UBE2D1: variants seen among roughly 807,000 people sequenced by gnomAD.
UBE2D1 encodes the protein ubiquitin conjugating enzyme E2 D1, also known as ubiquitin-conjugating enzyme E2 D1.
UBE2D1 carries 9 observed loss-of-function variants against 24.6 expected under a neutral mutation model. That is an observed-to-expected ratio of 0.37 (90% CI 0.22 to 0.64). UBE2D1 has a LOEUF of 0.64. UBE2D1 is among the 30% of genes least tolerant of loss of function. The pLI is 0.64. For synonymous variants in UBE2D1, 57 were observed against 57.6 expected (o/e 0.99, Z 0.04); for missense variants, 87 against 177.1 (o/e 0.49, Z 2.89).
intron 1 of UBE2D1, among the ~76,000 whole-genome samples, chr10:58,359,001 G>A (rs1377519483): frequency 1.4e-4 from 17 of 122,700 alleles, no homozygotes; most frequent in African/African-American, 2.8e-4. Context: ...AAGAGAAACC[G>A]CACCAGCTAT....
At chr10:58,335,349 A>G in intron 1 of UBE2D1, 124 bp downstream of exon 1, 1 of 1,156,736 alleles carries the variant, frequency 8.6e-7, no homozygotes, top group Non-Finnish European at 1.2e-6. Context: ...GGGTGCGGGC[A>G]GGGAGCTGAA....
At chr10:58,336,033 A>G (rs1469000923) in intron 1 of UBE2D1, among the ~76,000 whole-genome samples, 1 of 152,216 alleles carries the variant, frequency 6.6e-6, no homozygotes, top group Non-Finnish European at 1.5e-5. Context: ...AGAATGAGGA[A>G]GAAATATATA....
intron 1 of UBE2D1, among the ~76,000 whole-genome samples, chr10:58,357,867 A>G (rs918866079): frequency 6.6e-6 from 1 of 152,154 alleles, no homozygotes; most frequent in Non-Finnish European, 1.5e-5. Flanking sequence ...TTGATATACT[A>G]TCAGCTGCCT....
At chr10:58,348,698 AT>A (rs553024603) in intron 1 of UBE2D1, among the ~76,000 whole-genome samples, 4 of 152,104 alleles carry the variant, frequency 2.6e-5, no homozygotes, top group Admixed American at 2.6e-4. Flanking sequence ...GGTCAGCGTA[AT>A]TTTTTAGGGA....
At position 58,356,551 on chromosome 10, in the gene UBE2D1, A is replaced by G. The variant is rs540355663; in HGVS notation, c.25-4787A>G. On this transcript the variant is annotated intron_variant, in intron 1 of 6. Transcript: ENST00000373910. The stretch of plus-strand genomic sequence containing the variant: ...ACAAGATGCTGCAGTAAATATCCTT[A>G]TATATGTATCTTTAGCTACCAGGGC... 2.0e-5 allele frequency among the ~76,000 whole-genome samples: 3 copies of G among 152,242 alleles called. No individual in the cohort carries two copies. In the South Asian group the frequency reaches 6.2e-4, roughly 32 times the overall value.
At chr10:58,347,550 A>G (rs1840029551) in intron 1 of UBE2D1, among the ~76,000 whole-genome samples, 1 of 152,104 alleles carries the variant, frequency 6.6e-6, no homozygotes, top group African/African-American at 2.4e-5. Flanking sequence ...CCTGGTGCAG[A>G]GAAAACTGGG....
At chr10:58,345,054 A>G (rs140813029) in intron 1 of UBE2D1, among the ~76,000 whole-genome samples, 6,348 of 152,034 alleles carry the variant, frequency 0.042, 172 homozygotes, top group Non-Finnish European at 0.06. Context: ...TAATAGAGAC[A>G]GGGTTTTGCC....
At chr10:58,353,532 G>GA (rs1840099703) in intron 1 of UBE2D1, among the ~76,000 whole-genome samples, 1 of 152,134 alleles carries the variant, frequency 6.6e-6, no homozygotes, top group Non-Finnish European at 1.5e-5. Context: ...AAACAATAAG[G>GA]AATGTTTAGA....
intron 1 of UBE2D1, among the ~76,000 whole-genome samples, chr10:58,335,508 C>A (rs1304639963): frequency 6.6e-6 from 1 of 152,276 alleles, no homozygotes; most frequent in Non-Finnish European, 1.5e-5. Flanking sequence ...TCTTGCGCGT[C>A]CAGACCGTCC....
At chr10:58,354,896 A>G (rs1163655618) in intron 1 of UBE2D1, among the ~76,000 whole-genome samples, 3 of 152,234 alleles carry the variant, frequency 2.0e-5, no homozygotes, top group Non-Finnish European at 4.4e-5. Context: ...ATAATTTAAG[A>G]ATAACAAATC....
intron 1 of UBE2D1, among the ~76,000 whole-genome samples, chr10:58,342,813 GTTTTTTTTGGTT>G (rs945337942): frequency 2.9e-5 from 4 of 140,122 alleles, no homozygotes; most frequent in South Asian, 2.3e-4. Context: ...GTGGGTACTT[GTTTTTTTTGGTT>G]TTTTTTTTGT....
intron 1 of UBE2D1, 142 bp downstream of exon 1, chr10:58,335,367 G>A: frequency 9.4e-7 from 1 of 1,069,282 alleles, no homozygotes; most frequent in South Asian, 1.7e-5. Context: ...GAAGGCTCGG[G>A]CCGGGCCAGC....
At chr10:58,349,820 C>T (rs1211078394) in intron 1 of UBE2D1, among the ~76,000 whole-genome samples, 1 of 152,122 alleles carries the variant, frequency 6.6e-6, no homozygotes, top group Non-Finnish European at 1.5e-5. Context: ...TTACCTCTGT[C>T]GTCAAGGTAA....
intron 1 of UBE2D1, chr10:58,361,068 C>G (rs1840191820): frequency 1.9e-6 from 1 of 532,700 alleles, no homozygotes; most frequent in Non-Finnish European, 3.4e-6. Flanking sequence ...ACAGTAGGTA[C>G]TCATTAAATA....
intron 1 of UBE2D1, among the ~76,000 whole-genome samples, chr10:58,335,909 G>A (rs533225769): frequency 6.6e-6 from 1 of 152,348 alleles, no homozygotes; most frequent in East Asian, 1.9e-4. Flanking sequence ...GTGATTCACG[G>A]TGAGTCAAGC....
chr10:58,339,293 A>T (rs1839936704), intron 1 of UBE2D1, among the ~76,000 whole-genome samples: 1 of 152,072 alleles, frequency 6.6e-6, no homozygotes, highest in Admixed American at 6.5e-5. Context: ...TTCAGTAGAG[A>T]TGGGTTTTCA....
At chr10:58,364,670 G>T (rs994666334) in intron 4 of UBE2D1, 101 bp from the exon 5 acceptor site, 1 of 752,934 alleles carries the variant, frequency 1.3e-6, no homozygotes, top group Admixed American at 2.5e-5. Context: ...CTAAAGTTAT[G>T]TAAAGTTGAG....
intron 1 of UBE2D1, among the ~76,000 whole-genome samples, chr10:58,358,685 C>A (rs910491361): frequency 2.0e-5 from 3 of 152,102 alleles, no homozygotes; most frequent in Non-Finnish European, 4.4e-5. Flanking sequence ...GGCACCCAGA[C>A]TTGAACTTCA....
chr10:58,366,632 CAG>C (rs1840258534), intron 5 of UBE2D1, among the ~76,000 whole-genome samples: 1 of 152,048 alleles, frequency 6.6e-6, no homozygotes. Context: ...TAAATATAGA[CAG>C]AGTCTTGCTG....
Sources: gnomAD v4.1 joint callset for allele counts (sites outside exome capture counted in the v4.1 genomes callset) on GRCh38, gnomAD v4.1.1 for gene constraint, MANE v1.5 for transcripts, NCBI Gene and HGNC (gene_info 2026-07-23, HGNC 2026-07-21) for gene names.